Variants in SHROOM3 observed in about 807,000 individuals in gnomAD.
SHROOM3 encodes the protein shroom family member 3, also known as protein Shroom3.
In SHROOM3, 47 loss-of-function variants were observed where a neutral mutation model predicts 138.6. The observed-to-expected ratio is 0.34, with a 90% CI of 0.27 to 0.43. SHROOM3 has a LOEUF of 0.43. Among genes scored for constraint, SHROOM3 ranks in the 20% least tolerant of loss-of-function variants. The pLI is 1.00. For synonymous variants in SHROOM3, 1,062 were observed against 1,063.3 expected (o/e 1.00, Z 0.02); for missense variants, 2,491 against 2,596.5 (o/e 0.96, Z 0.88).
At chr4:76,499,972 A>G (rs1308741653) in intron 1 of SHROOM3, among the ~76,000 whole-genome samples, 2 of 152,152 alleles carry the variant, frequency 1.3e-5, no homozygotes, top group African/African-American at 4.8e-5. Flanking sequence ...TCGTTGTGCA[A>G]CTCTGTGAGG....
intron 1 of SHROOM3, among the ~76,000 whole-genome samples, chr4:76,528,342 TC>T (rs1278993247): frequency 0.02 from 823 of 42,178 alleles, 12 homozygotes; most frequent in East Asian, 0.11. Flanking sequence ...TTCTTCTTCT[TC>T]TTTTTTTTTT....
At chr4:76,716,134 CTCT>C in intron 3 of SHROOM3, 2 of 326,292 alleles carry the variant, frequency 6.1e-6, no homozygotes, top group South Asian at 5.3e-5. Flanking sequence ...GGGTCACCTT[CTCT>C]TCTTCCCTCT....
At chr4:76,591,960 A>G (rs1336015232) in intron 2 of SHROOM3, among the ~76,000 whole-genome samples, 1 of 152,238 alleles carries the variant, frequency 6.6e-6, no homozygotes, top group Non-Finnish European at 1.5e-5. Context: ...TAACACAAAA[A>G]TAAGTCAATT....
chr4:76,494,653 G>C (rs986131987), intron 1 of SHROOM3, among the ~76,000 whole-genome samples: 1 of 152,196 alleles, frequency 6.6e-6, no homozygotes, highest in Non-Finnish European at 1.5e-5. Flanking sequence ...GATCGTAAGG[G>C]GGTGTCCCCT....
chr4:76,439,492 A>C (rs1030832978), intron 1 of SHROOM3, among the ~76,000 whole-genome samples: 1 of 152,194 alleles, frequency 6.6e-6, no homozygotes. Flanking sequence ...CATTGGTAGA[A>C]GTCTATGTAA....
chr4:76,688,388 C>T (rs1201094673), intron 2 of SHROOM3: 1 of 985,132 alleles, frequency 1.0e-6, no homozygotes, highest in African/African-American at 1.7e-5. Context: ...GTGGTATCAG[C>T]TGTTTGGTAA....
intron 1 of SHROOM3, among the ~76,000 whole-genome samples, chr4:76,449,530 A>T (rs1393063229): frequency 6.6e-6 from 1 of 152,182 alleles, no homozygotes; most frequent in African/African-American, 2.4e-5. Context: ...ATTCCACACA[A>T]GAAGCTTCTT....
At chr4:76,537,517 C>T (rs1332877154) in intron 1 of SHROOM3, among the ~76,000 whole-genome samples, 1 of 152,142 alleles carries the variant, frequency 6.6e-6, no homozygotes, top group Non-Finnish European at 1.5e-5. Context: ...AGGAGAGGGA[C>T]ACATAGGCAG....
intron 9 of SHROOM3, among the ~76,000 whole-genome samples, chr4:76,760,929 ATTTT>A (rs1256664316): frequency 6.6e-6 from 1 of 151,978 alleles, no homozygotes; most frequent in Non-Finnish European, 1.5e-5. Context: ...GTTTTACACA[ATTTT>A]TTTGTTATTT....
intron 2 of SHROOM3, among the ~76,000 whole-genome samples, chr4:76,563,181 A>G (rs1425403758): frequency 1.3e-5 from 2 of 152,322 alleles, no homozygotes; most frequent in East Asian, 3.9e-4. Flanking sequence ...ATTAATCTTT[A>G]TTTCATAAGG....
At position 76,779,301 on chromosome 4, in the gene SHROOM3, GAA is replaced by G; in HGVS notation, c.*130_*131del. The G allele has an allele frequency of 1.5e-6, 2 of 1,357,430 alleles. No individual in the cohort carries two copies. Among genetic ancestry groups the G allele is most frequent in the Non-Finnish European group, 2.0e-6 (2 of 1,014,406 alleles). 84.1% of individuals were successfully genotyped at this position (1,357,430 alleles called of 1,614,324 possible). A position where few individuals can be genotyped will look rare whatever the true frequency, so the allele number is the denominator to read the frequency against. ...TATTGGTGTTTGTTCCTGATGAAAGGAAAAAAATTCTCTCCAGGAGGAAGCCT... is the reference window on the plus strand; with the variant it reads ...TATTGGTGTTTGTTCCTGATGAAAGGAAAAATTCTCTCCAGGAGGAAGCCT... On this transcript the variant is annotated 3_prime_UTR_variant, in exon 11 of 11. Transcript: ENST00000296043.
intron 1 of SHROOM3, among the ~76,000 whole-genome samples, chr4:76,530,720 A>G (rs1014204212): frequency 5.9e-5 from 9 of 152,160 alleles, no homozygotes; most frequent in African/African-American, 1.9e-4. Context: ...TGAGATCTTT[A>G]ATTCCCGTGC....
At chr4:76,663,547 TG>T (rs1288475134) in intron 2 of SHROOM3, among the ~76,000 whole-genome samples, 2 of 152,144 alleles carry the variant, frequency 1.3e-5, no homozygotes, top group Admixed American at 6.6e-5. Context: ...AGCTGTGCTT[TG>T]TTTGGCCCAT....
intron 7 of SHROOM3, among the ~76,000 whole-genome samples, chr4:76,755,625 A>AGCTTTACCTTT (rs1721780987): frequency 6.6e-6 from 1 of 152,226 alleles, no homozygotes; most frequent in South Asian, 2.1e-4. Context: ...CAAGTTAAAC[A>AGCTTTACCTTT]GCTTTACCTA....
intron 2 of SHROOM3, among the ~76,000 whole-genome samples, chr4:76,651,880 C>G (rs1315032088): frequency 6.6e-6 from 1 of 152,114 alleles, no homozygotes; most frequent in East Asian, 1.9e-4. Flanking sequence ...GCAAAGGAAG[C>G]TTCACAATGT....
At chr4:76,666,931 G>A (rs1015123627) in intron 2 of SHROOM3, among the ~76,000 whole-genome samples, 2 of 152,198 alleles carry the variant, frequency 1.3e-5, no homozygotes, top group Non-Finnish European at 2.9e-5. Context: ...TATGACATAG[G>A]TGAACTTTGG....
intron 2 of SHROOM3, among the ~76,000 whole-genome samples, chr4:76,700,423 C>G (rs1266724827): frequency 1.3e-5 from 2 of 152,176 alleles, no homozygotes; most frequent in African/African-American, 4.8e-5. Context: ...CCTGCCCTCC[C>G]TGGGGCATGC....
intron 1 of SHROOM3, among the ~76,000 whole-genome samples, chr4:76,451,770 T>C (rs1398018): frequency 0.31 from 47,616 of 152,016 alleles, 8,891 homozygotes; most frequent in Non-Finnish European, 0.43. Flanking sequence ...CAAAACAAAA[T>C]TGAAAGTTTA....
At chr4:76,688,705 C>T in intron 2 of SHROOM3, 1 of 985,324 alleles carries the variant, frequency 1.0e-6, no homozygotes, top group Non-Finnish European at 1.2e-6. Context: ...ATCATAAATG[C>T]AAAACAAATG....
Sources: gnomAD v4.1 joint callset for allele counts (sites outside exome capture counted in the v4.1 genomes callset) on GRCh38, gnomAD v4.1.1 for gene constraint, MANE v1.5 for transcripts, NCBI Gene and HGNC (gene_info 2026-07-23, HGNC 2026-07-21) for gene names.